The following RASSF4 variants were observed in gnomAD, a reference collection of about 807,000 sequenced individuals.
RASSF4 encodes ras association domain-containing protein 4.
A neutral mutation model predicts 41.1 loss-of-function variants in RASSF4; 38 were observed. The ratio of observed to expected loss-of-function variants is 0.92; its 90% CI spans 0.71 to 1.21. The LOEUF is 1.21. RASSF4 is among the 50% of genes most tolerant of loss of function. The pLI is 0.00. For missense variants in RASSF4, 414 were observed against 419.4 expected, an observed-to-expected ratio of 0.99 and a Z score of 0.11; for synonymous variants, 179 against 163.4, an observed-to-expected ratio of 1.10 and a Z score of -0.73.
At position 44,987,008 on chromosome 10, in the gene RASSF4, G is replaced by A. The variant is rs1841942669; in HGVS notation, c.531+2038G>A. On this transcript the variant is annotated intron_variant, in intron 6 of 10. Coordinates refer to ENST00000340258, the MANE Select transcript of RASSF4 (RefSeq NM_032023.4). ...GGGCCTTTGTTCCTACTTGGAGTTG[G>A]TTGGTATCATCTTGAGAAAAGGCTT... Among the ~76,000 whole-genome samples the A allele has an allele frequency of 3.3e-5, 5 of 152,332 alleles. No homozygotes were observed. In the South Asian group the frequency reaches 1.0e-3, roughly 32 times the overall value.
At position 44,984,002 on chromosome 10, in the gene RASSF4, C is replaced by T; in HGVS notation, c.282-20C>T. On this transcript the variant is annotated intron_variant, in intron 4 of 10. Transcript: ENST00000340258. ...TTCTCTGCCGGCAGCCATCTCAGCC[C>T]TGCAGTTGTCTGTTTTCAGAAAGGA... 6.3e-7 allele frequency: 1 copy of T among 1,578,606 alleles called. No homozygotes were observed. Among genetic ancestry groups the T allele is most frequent in the Non-Finnish European group, 8.6e-7 (1 of 1,162,072 alleles).
chr10:44,981,594 G>A (rs1325990524), intron 3 of RASSF4: 1 of 152,252 alleles, frequency 6.6e-6, no homozygotes, highest in Non-Finnish European at 1.5e-5. Flanking sequence ...CATTAGGAGT[G>A]TGTAGTTTCG....
At chr10:44,988,647 C>T (rs1842001082) in intron 6 of RASSF4, among the ~76,000 whole-genome samples, 1 of 152,234 alleles carries the variant, frequency 6.6e-6, no homozygotes, top group African/African-American at 2.4e-5. Context: ...CTGCACAGAT[C>T]GCTTCGCCTT....
In RASSF4 at chr10:44,984,977, C is replaced by T. The variant is rs755113251; in HGVS notation, c.531+7C>T. 1.0e-5 allele frequency: 16 copies of T among 1,607,464 alleles called. No homozygotes were observed. The highest frequency in any genetic ancestry group is 1.4e-5 in the Non-Finnish European group (16 of 1,178,542). On this transcript the variant is annotated splice_region_variant and intron_variant, in intron 6 of 10. Transcript: ENST00000340258. ...CCACTTCTACAATCATAAGGTGATG[C>T]CCCAGCCTGGCCTCTCCCCTGGGCG...
chr10:44,977,013 C>T (rs1453775697), intron 3 of RASSF4: 1 of 167,448 alleles, frequency 6.0e-6, no homozygotes, highest in African/African-American at 2.4e-5. Flanking sequence ...CCACCAGTTT[C>T]CCCACCAGCG....
In RASSF4 at chr10:44,993,466, A is replaced by G. The variant is rs1407384228; in HGVS notation, c.*137A>G. ...AGTGCCTGTGTGTCTACCTCTCTGA[A>G]GCCTGAGCACCATGATTCCCACAGC... On this transcript the variant is annotated 3_prime_UTR_variant, in exon 11 of 11. Transcript: ENST00000340258. 5 of 668,758 alleles carry G rather than the reference A, an allele frequency of 7.5e-6. No individual in the cohort carries two copies. Among genetic ancestry groups the G allele is most frequent in the Non-Finnish European group, 1.3e-5 (5 of 383,322 alleles). 41.4% of individuals were successfully genotyped at this position (668,758 alleles called of 1,614,324 possible). A position where few individuals can be genotyped will look rare whatever the true frequency, so the allele number is the denominator to read the frequency against.
chr10:44,966,826 C>T (rs1335663470), intron 1 of RASSF4, among the ~76,000 whole-genome samples: 1 of 152,110 alleles, frequency 6.6e-6, no homozygotes. Context: ...TTTTTAGAGT[C>T]TTATGACCCC....
At chr10:44,983,838 G>T in intron 4 of RASSF4, 184 bp from the exon 5 acceptor site, 2 of 1,013,918 alleles carry the variant, frequency 2.0e-6, no homozygotes, top group South Asian at 1.7e-5. Context: ...AGATGCTGGG[G>T]GGAGGCCTCT....
At chr10:44,976,198 G>A (rs1312396250) in intron 3 of RASSF4, 1 of 152,218 alleles carries the variant, frequency 6.6e-6, no homozygotes, top group Non-Finnish European at 1.5e-5. Context: ...CAGATTCCCA[G>A]CCCTTGCAGG....
chr10:44,989,154 G>T, intron 6 of RASSF4, 120 bp from the exon 7 acceptor site: 1 of 641,278 alleles, frequency 1.6e-6, no homozygotes, highest in South Asian at 1.9e-5. Context: ...AGCGTGAATG[G>T]ACAGGTGCAG....
intron 6 of RASSF4, among the ~76,000 whole-genome samples, chr10:44,985,478 A>G (rs1362633601): frequency 3.3e-5 from 5 of 152,248 alleles, no homozygotes; most frequent in Non-Finnish European, 7.3e-5. Context: ...TTCTATAAAC[A>G]AACTGAACTG....
chr10:44,983,767 G>C, intron 4 of RASSF4: 1 of 537,644 alleles, frequency 1.9e-6, no homozygotes, highest in Non-Finnish European at 3.3e-6. Flanking sequence ...CCGTGTGTCT[G>C]TGCGATGCAG....
At chr10:44,967,789 C>T (rs1564451168) in intron 1 of RASSF4, among the ~76,000 whole-genome samples, 1 of 152,136 alleles carries the variant, frequency 6.6e-6, no homozygotes, top group African/African-American at 2.4e-5. Context: ...ACCATGTTCC[C>T]GTTCTCTTGG....
intron 6 of RASSF4, among the ~76,000 whole-genome samples, chr10:44,986,665 C>T (rs1387023152): frequency 2.0e-5 from 3 of 152,252 alleles, no homozygotes. Context: ...AAAGCCCTTT[C>T]TTACCACGCT....
At chr10:44,979,283 G>T (rs1489341747) in intron 3 of RASSF4, among the ~76,000 whole-genome samples, 2 of 152,206 alleles carry the variant, frequency 1.3e-5, no homozygotes, top group Non-Finnish European at 2.9e-5. Flanking sequence ...AGGGCGGTCT[G>T]CGGGGTCTGA....
At chr10:44,972,949 G>T (rs901403370) in intron 3 of RASSF4, among the ~76,000 whole-genome samples, 81 of 152,218 alleles carry the variant, frequency 5.3e-4, no homozygotes, top group African/African-American at 1.9e-3. Context: ...AGATCAGAGG[G>T]CCGGCTGGAA....
chr10:44,969,111 T>TTG (rs71020374), intron 1 of RASSF4, among the ~76,000 whole-genome samples: 1 of 139,730 alleles, frequency 7.2e-6, no homozygotes, highest in Admixed American at 6.9e-5. Flanking sequence ...TGTGTTTTTG[T>TTG]GTGTGTGTGT....
intron 6 of RASSF4, among the ~76,000 whole-genome samples, chr10:44,987,974 G>A (rs1489986828): frequency 6.6e-6 from 1 of 152,122 alleles, no homozygotes; most frequent in Non-Finnish European, 1.5e-5. Flanking sequence ...ATCAGAGCGG[G>A]GATACTGAAT....
Position 44,977,393 on chromosome 10 carries a change from C to T in RASSF4, c.139-5128C>T, listed in dbSNP as rs775717877. 4 of 1,571,580 alleles carry T rather than the reference C, an allele frequency of 2.5e-6. No individual in the cohort carries two copies. In the South Asian group the frequency reaches 3.5e-5, roughly 14 times the overall value. Reference sequence around the variant, plus strand: ...ACAGAAGCCTTTACTGGGGAGGGGTCAGAGTTCATGGATCACCGGGAGGTG... The same window carrying T: ...ACAGAAGCCTTTACTGGGGAGGGGTTAGAGTTCATGGATCACCGGGAGGTG... On this transcript the variant is annotated intron_variant, in intron 3 of 10. Coordinates refer to ENST00000340258, the MANE Select transcript of RASSF4 (RefSeq NM_032023.4).
Sources: allele counts gnomAD v4.1 joint callset (sites outside exome capture counted in the v4.1 genomes callset), GRCh38; gene constraint gnomAD v4.1.1; transcripts MANE v1.5; gene names NCBI Gene and HGNC (gene_info 2026-07-23, HGNC 2026-07-21).